Variants in CLPB observed in about 807,000 individuals in gnomAD.
The protein encoded by CLPB is ClpB family mitochondrial disaggregase, also known as mitochondrial disaggregase.
A neutral mutation model predicts 78.4 loss-of-function variants in CLPB; 40 were observed. The ratio of observed to expected loss-of-function variants is 0.51; its 90% confidence interval spans 0.40 to 0.66. The LOEUF (loss-of-function observed/expected upper bound fraction) is 0.66. Ranked by LOEUF, CLPB falls within the 30% of genes least tolerant of loss-of-function variation. The pLI, the probability that CLPB is intolerant of heterozygous loss-of-function variation, is 0.00. For synonymous variants in CLPB, 333 were observed against 348.0 expected (o/e 0.96, Z 0.48); for missense variants, 780 against 886.9 (o/e 0.88, Z 1.53).
chr11:72,306,180 G>A (rs1347941168), intron 9 of CLPB, among the ~76,000 whole-genome samples: 2 of 152,240 alleles, frequency 1.3e-5, no homozygotes, highest in Non-Finnish European at 2.9e-5. Flanking sequence ...AGAGCTAGGG[G>A]GAGTTTAAGA....
At chr11:72,352,993 G>A (rs1299051498) in intron 5 of CLPB, 1 of 152,264 alleles carries the variant, frequency 6.6e-6, no homozygotes, top group Non-Finnish European at 1.5e-5. Flanking sequence ...GCGTGAATCA[G>A]AGTGTGGAGC....
Position 72,294,609 on chromosome 11 carries a change from A to G in CLPB, c.1560+11T>C, listed in dbSNP as rs113954132. ...AGGCTCCAGCAGGAAGTGCCAAGAAAGACCTCTTACTTTCAGGATAGGGCG... is the reference window on the plus strand; with the variant it reads ...AGGCTCCAGCAGGAAGTGCCAAGAAGGACCTCTTACTTTCAGGATAGGGCG... On this transcript the variant is annotated intron_variant, in intron 13 of 15. Transcript: ENST00000538039. 208 of 1,613,170 alleles carry G rather than the reference A, an allele frequency of 1.3e-4. 1 individual carries two copies. The African/African-American group carries it at 1.9e-3, about 15-fold the overall frequency.
At chr11:72,408,604 T>C (rs1412082369) in intron 2 of CLPB, among the ~76,000 whole-genome samples, 3 of 147,062 alleles carry the variant, frequency 2.0e-5, no homozygotes, top group Admixed American at 6.8e-5. Flanking sequence ...GAGGCGGAGG[T>C]TGCAGTGAGC....
chr11:72,368,864 A>G (rs1950991302), intron 4 of CLPB, among the ~76,000 whole-genome samples: 1 of 152,234 alleles, frequency 6.6e-6, no homozygotes, highest in Non-Finnish European at 1.5e-5. Flanking sequence ...CACAGACATC[A>G]TGCTTTCTGC....
chr11:72,330,627 C>T (rs1950207326), intron 5 of CLPB, among the ~76,000 whole-genome samples: 1 of 152,176 alleles, frequency 6.6e-6, no homozygotes, highest in Admixed American at 6.5e-5. Flanking sequence ...CTCTCTTCTT[C>T]GAAAACCATC....
At chr11:72,305,499 G>A (rs1190286591) in intron 9 of CLPB, among the ~76,000 whole-genome samples, 1 of 152,206 alleles carries the variant, frequency 6.6e-6, no homozygotes, top group Non-Finnish European at 1.5e-5. Context: ...CCTAAGATAT[G>A]GGTTGGAGGG....
chr11:72,386,623 C>T (rs75568499), intron 3 of CLPB, among the ~76,000 whole-genome samples: 1,549 of 152,260 alleles, frequency 0.01, 30 homozygotes, highest in East Asian at 0.063. Flanking sequence ...CAGGTAAGCC[C>T]AAAACCAGAT....
intron 5 of CLPB, chr11:72,332,779 T>A (rs1950251381): frequency 6.6e-6 from 1 of 152,232 alleles, no homozygotes; most frequent in Admixed American, 6.5e-5. Context: ...TTTTCAAGGT[T>A]CATCCATGTG....
intron 3 of CLPB, among the ~76,000 whole-genome samples, chr11:72,399,350 T>A (rs925000122): frequency 6.6e-6 from 1 of 152,138 alleles, no homozygotes; most frequent in African/African-American, 2.4e-5. Flanking sequence ...CTTTATACAA[T>A]TATCTTTCCT....
At chr11:72,331,941 A>G (rs1470563817) in intron 5 of CLPB, among the ~76,000 whole-genome samples, 1 of 152,146 alleles carries the variant, frequency 6.6e-6, no homozygotes, top group Non-Finnish European at 1.5e-5. Flanking sequence ...AAGCATTTAC[A>G]TGTGGCTGTC....
intron 5 of CLPB, among the ~76,000 whole-genome samples, chr11:72,342,352 A>G (rs185500602): frequency 1.3e-5 from 2 of 152,368 alleles, no homozygotes; most frequent in African/African-American, 4.8e-5. Context: ...AACTCCTGCC[A>G]AGGATCTCTG....
At chr11:72,363,635 C>T (rs1053283015) in intron 4 of CLPB, 2 of 151,300 alleles carry the variant, frequency 1.3e-5, no homozygotes, top group African/African-American at 2.4e-5. Context: ...CATGTAGGAC[C>T]GACAGTTCAA....
rs773252444 is a variant in CLPB at position 72,434,383 on chromosome 11, C to A, written c.92G>T (p.Gly31Val). 6.2e-7 allele frequency: 1 copy of A among 1,611,268 alleles called. No individual in the cohort carries two copies. The highest frequency in any genetic ancestry group is 8.5e-7 in the Non-Finnish European group (1 of 1,178,400). The change falls in exon 1 of 16, where the codon GGT (glycine) becomes GTT (valine). Residue 31 changes from glycine to valine, a missense_variant. By Grantham distance (109) the Gly-to-Val change is moderately radical. Transcript: ENST00000538039. ...LRSPTLRGHG[G>V]ASGRNVTTGS... is the part of the protein sequence containing the mutation. The stretch of plus-strand genomic sequence containing the variant: ...AGTAGTCACATTCCGGCCGGAAGCA[C>A]CTCCATGGCCCCGGAGCGTTGGGGA...
intron 4 of CLPB, among the ~76,000 whole-genome samples, chr11:72,363,893 T>C (rs752255357): frequency 4.0e-4 from 61 of 152,328 alleles, no homozygotes; most frequent in Non-Finnish European, 7.2e-4. Context: ...TTCAAGAATC[T>C]CTAGGAAGAA....
intron 3 of CLPB, among the ~76,000 whole-genome samples, chr11:72,399,674 C>A (rs1397239576): frequency 6.6e-6 from 1 of 152,108 alleles, no homozygotes; most frequent in African/African-American, 2.4e-5. Flanking sequence ...TGGGCTACTC[C>A]GAGGATCTCT....
At chr11:72,328,377 T>C (rs1048730234) in intron 6 of CLPB, among the ~76,000 whole-genome samples, 1 of 152,222 alleles carries the variant, frequency 6.6e-6, no homozygotes, top group African/African-American at 2.4e-5. Context: ...AATAGCATAA[T>C]CTAGCTTATC....
intron 11 of CLPB, among the ~76,000 whole-genome samples, chr11:72,300,848 G>A (rs990383731): frequency 2.0e-5 from 3 of 152,168 alleles, no homozygotes; most frequent in African/African-American, 2.4e-5. Flanking sequence ...GGCTCCTCAC[G>A]CTCTCTTGAT....
At chr11:72,309,712 G>A (rs1262681426) in intron 7 of CLPB, among the ~76,000 whole-genome samples, 2 of 152,108 alleles carry the variant, frequency 1.3e-5, no homozygotes, top group Non-Finnish European at 2.9e-5. Context: ...ATGAATTTTG[G>A]TTGCACTAAT....
intron 5 of CLPB, among the ~76,000 whole-genome samples, chr11:72,334,601 GCCT>G (rs1168775411): frequency 1.3e-5 from 2 of 152,252 alleles, no homozygotes; most frequent in African/African-American, 4.8e-5. Context: ...ACCACGTTGG[GCCT>G]CACCCGCCTG....
Sources: gnomAD v4.1 joint callset for allele counts (sites outside exome capture counted in the v4.1 genomes callset) on GRCh38, gnomAD v4.1.1 for gene constraint, MANE v1.5 for transcripts, NCBI Gene and HGNC (gene_info 2026-07-23, HGNC 2026-07-21) for gene names.